The following WDR27 variants were observed in gnomAD, a reference collection of about 807,000 sequenced individuals.
The protein encoded by WDR27 is WD repeat domain 27, also known as WD repeat-containing protein 27.
WDR27 carries 100 observed loss-of-function variants against 114.4 expected under a neutral mutation model. That is an observed-to-expected ratio of 0.87 (90% CI 0.74 to 1.03). The LOEUF is 1.03. Ranked by LOEUF, WDR27 falls within the 50% of genes least tolerant of loss-of-function variation. The pLI is 0.00. For synonymous variants in WDR27, 449 were observed against 423.1 expected (o/e 1.06, Z -0.75); for missense variants, 1,129 against 1,092.9 (o/e 1.03, Z -0.47).
chr6:169,500,592 G>A (rs73789972), intron 25 of WDR27, among the ~76,000 whole-genome samples: 1 of 152,174 alleles, frequency 6.6e-6, no homozygotes, highest in East Asian at 1.9e-4. Flanking sequence ...GGTAGTGCGC[G>A]TGAGTGCTGC....
chr6:169,436,331 C>G, the WDR27 span, among the ~76,000 whole-genome samples: 1 of 152,062 alleles, frequency 6.6e-6, no homozygotes, highest in African/African-American at 2.4e-5. Flanking sequence ...TTTTTCTCTA[C>G]CAGATGTTTT....
chr6:169,690,023 A>G (rs937126933), intron 1 of WDR27, among the ~76,000 whole-genome samples: 1 of 152,064 alleles, frequency 6.6e-6, no homozygotes, highest in Admixed American at 6.5e-5. Flanking sequence ...GTGAATTCAG[A>G]GGATCCACCC....
intron 25 of WDR27, among the ~76,000 whole-genome samples, chr6:169,508,090 T>C (rs1252279461): frequency 6.6e-6 from 1 of 152,208 alleles, no homozygotes; most frequent in East Asian, 1.9e-4. Flanking sequence ...TGGCAGAGCA[T>C]TGTGTTTCAT....
At chr6:169,462,104 A>G (rs1310882711) in intron 25 of WDR27, among the ~76,000 whole-genome samples, 1 of 152,014 alleles carries the variant, frequency 6.6e-6, no homozygotes, top group Non-Finnish European at 1.5e-5. Flanking sequence ...GAATAGACCT[A>G]TAACTGGTGA....
chr6:169,494,452 T>G (rs1790155099), intron 25 of WDR27, among the ~76,000 whole-genome samples: 2 of 152,186 alleles, frequency 1.3e-5, no homozygotes, highest in African/African-American at 4.8e-5. Flanking sequence ...GCAATGGATT[T>G]GTTTACACCA....
intron 20 of WDR27, among the ~76,000 whole-genome samples, chr6:169,633,782 C>T (rs757216546): frequency 4.6e-5 from 7 of 152,146 alleles, no homozygotes; most frequent in African/African-American, 1.2e-4. Context: ...ATCCTAATGA[C>T]ATATTTCTTA....
At chr6:169,636,292 T>A in intron 19 of WDR27, 79 bp downstream of exon 19, 1 of 1,532,396 alleles carries the variant, frequency 6.5e-7, no homozygotes, top group Non-Finnish European at 8.8e-7. Context: ...CATTTTAAAA[T>A]GTAAATACCT....
chr6:169,667,352 T>C, intron 5 of WDR27, 165 bp from the exon 6 acceptor site: 1 of 1,232,668 alleles, frequency 8.1e-7, no homozygotes, highest in Non-Finnish European at 1.0e-6. Flanking sequence ...AGTAACACCA[T>C]AAAATATGTC....
At chr6:169,678,277 A>C (rs1039335710) in intron 2 of WDR27, among the ~76,000 whole-genome samples, 1 of 152,216 alleles carries the variant, frequency 6.6e-6, no homozygotes, top group Non-Finnish European at 1.5e-5. Flanking sequence ...TTGGGAGTCC[A>C]CCCCTTGTAC....
chr6:169,695,099 TA>T (rs1785530140), intron 1 of WDR27, among the ~76,000 whole-genome samples: 1 of 152,204 alleles, frequency 6.6e-6, no homozygotes, highest in South Asian at 2.1e-4. Context: ...CTTAGAAGTA[TA>T]AAAATATCAA....
the WDR27 span, among the ~76,000 whole-genome samples, chr6:169,434,163 A>G: frequency 6.6e-6 from 1 of 152,184 alleles, no homozygotes; most frequent in Non-Finnish European, 1.5e-5. Context: ...GTCTTTGTCC[A>G]TGCCTATGTC....
chr6:169,587,154 G>A (rs562630658), intron 23 of WDR27, among the ~76,000 whole-genome samples: 6 of 151,120 alleles, frequency 4.0e-5, no homozygotes, highest in African/African-American at 1.2e-4. Flanking sequence ...CTAAGAATTG[G>A]GCACTTACAT....
chr6:169,509,838 C>G lies in WDR27; in HGVS notation c.2646-52204G>C, dbSNP rs557439465. Reference sequence around the variant, plus strand: ...CAAAAGAAACCACCATCACAGTGAACAGGCAACCTACAGAATGGGAGAAAA... The same window carrying G: ...CAAAAGAAACCACCATCACAGTGAAGAGGCAACCTACAGAATGGGAGAAAA... On this transcript the variant is annotated intron_variant, in intron 25 of 25. Transcript: ENST00000448612. 3.9e-5 allele frequency among the ~76,000 whole-genome samples: 6 copies of G among 152,310 alleles called. No individual in the cohort carries two copies. The South Asian group carries it at 1.2e-3, about 32-fold the overall frequency.
At chr6:169,441,385 G>T in the WDR27 span, among the ~76,000 whole-genome samples, 1 of 152,152 alleles carries the variant, frequency 6.6e-6, no homozygotes, top group Non-Finnish European at 1.5e-5. Context: ...GAGAATTAAT[G>T]ATGTGAACTG....
chr6:169,602,843 C>CT (rs1356234715), intron 22 of WDR27, among the ~76,000 whole-genome samples: 7 of 142,194 alleles, frequency 4.9e-5, no homozygotes, highest in African/African-American at 1.1e-4. Flanking sequence ...TTTTTTTTTT[C>CT]TTTTTTTTTT....
At chr6:169,691,333 C>A (rs1211502366) in intron 1 of WDR27, among the ~76,000 whole-genome samples, 1 of 151,974 alleles carries the variant, frequency 6.6e-6, no homozygotes, top group Admixed American at 6.6e-5. Context: ...GCAAATTTGT[C>A]TCCAATTCAC....
At chr6:169,593,532 T>C (rs1313752898) in intron 23 of WDR27, among the ~76,000 whole-genome samples, 7 of 152,178 alleles carry the variant, frequency 4.6e-5, no homozygotes, top group Non-Finnish European at 8.8e-5. Context: ...TTAAGTTTAT[T>C]TTGTTGCTTG....
intron 25 of WDR27, among the ~76,000 whole-genome samples, chr6:169,492,638 C>T (rs11962780): frequency 0.043 from 6,528 of 151,624 alleles, 403 homozygotes; most frequent in African/African-American, 0.13. Context: ...AGAGAAATTA[C>T]GACTTACTTT....
chr6:169,521,895 G>T (rs1794429800), intron 25 of WDR27, among the ~76,000 whole-genome samples: 1 of 151,732 alleles, frequency 6.6e-6, no homozygotes, highest in South Asian at 2.1e-4. Context: ...GAAGAGAGGG[G>T]TTACAAAACA....
Sources: allele counts gnomAD v4.1 joint callset (sites outside exome capture counted in the v4.1 genomes callset), GRCh38; gene constraint gnomAD v4.1.1; transcripts MANE v1.5; gene names NCBI Gene and HGNC (gene_info 2026-07-23, HGNC 2026-07-21).